The following STXBP5L variants were observed in gnomAD, a reference collection of about 807,000 sequenced individuals.
STXBP5L encodes syntaxin-binding protein 5-like.
Under a neutral mutation model 144.5 loss-of-function variants are expected in STXBP5L, and 65 were observed. That is an observed-to-expected ratio of 0.45 (90% CI 0.37 to 0.55). The LOEUF (loss-of-function observed/expected upper bound fraction) is 0.55, where lower values mean the gene tolerates loss of function less well. Ranked by LOEUF, STXBP5L falls within the 20% of genes least tolerant of loss-of-function variation. The probability of loss-of-function intolerance (pLI) is 0.00; values close to 1 mark genes in which losing one functional copy is unlikely to be tolerated. For missense variants in STXBP5L, 1,298 were observed against 1,405.5 expected (o/e 0.92, Z 1.22); for synonymous variants, 505 against 469.6 (o/e 1.08, Z -0.97).
intron 7 of STXBP5L, among the ~76,000 whole-genome samples, chr3:121,136,166 C>T (rs1239189963): frequency 6.6e-6 from 1 of 152,158 alleles, no homozygotes; most frequent in Non-Finnish European, 1.5e-5. Context: ...CTCATGTCTC[C>T]CTTTTTCCAA....
intron 19 of STXBP5L, among the ~76,000 whole-genome samples, chr3:121,289,040 CTAAA>C (rs1238855968): frequency 6.6e-6 from 1 of 152,006 alleles, no homozygotes; most frequent in Admixed American, 6.6e-5. Context: ...TACTGGGTGA[CTAAA>C]TAATCTGTAC....
chr3:121,004,606 A>G (rs1452176325), intron 3 of STXBP5L, among the ~76,000 whole-genome samples: 1 of 152,012 alleles, frequency 6.6e-6, no homozygotes, highest in Admixed American at 6.6e-5. Flanking sequence ...GAGTGGTGAG[A>G]GAGGGCATCC....
At chr3:121,383,756 C>G (rs1334098231) in intron 22 of STXBP5L, among the ~76,000 whole-genome samples, 1 of 152,040 alleles carries the variant, frequency 6.6e-6, no homozygotes, top group African/African-American at 2.4e-5. Context: ...TCTTTCAGAG[C>G]CTACTTATTG....
At chr3:121,138,961 C>A (rs2045379238) in intron 7 of STXBP5L, among the ~76,000 whole-genome samples, 1 of 151,852 alleles carries the variant, frequency 6.6e-6, no homozygotes, top group Non-Finnish European at 1.5e-5. Context: ...AGTGAAAAGA[C>A]AATCTACAAG....
At chr3:121,169,038 T>C (rs577640333) in intron 9 of STXBP5L, among the ~76,000 whole-genome samples, 139 of 152,202 alleles carry the variant, frequency 9.1e-4, no homozygotes, top group Middle Eastern at 3.4e-3. Context: ...CAATATGCAA[T>C]ATTCTTAAAG....
rs541835384 is a variant in STXBP5L at position 121,423,740 on chromosome 3, C to T, written c.*4643C>T. 2 of 152,234 alleles carry T rather than the reference C, an allele frequency of 1.3e-5. No individual in the cohort carries two copies. The highest frequency in any genetic ancestry group is 2.9e-5 in the Non-Finnish European group (2 of 68,046). 9.4% of individuals were successfully genotyped at this position (152,234 alleles called of 1,614,324 possible). A position where few individuals can be genotyped will look rare whatever the true frequency, so the allele number is the denominator to read the frequency against. The stretch of plus-strand genomic sequence containing the variant: ...TTGATTATCACTGCTTTATGGCCAA[C>T]TAAGGAAACCTTGTTTGTCTGCCTT... On this transcript the variant is annotated 3_prime_UTR_variant, in exon 27 of 27. Transcript: ENST00000471454.
Position 121,422,926 on chromosome 3 carries a change from T to C in STXBP5L, c.*3829T>C, listed in dbSNP as rs1164238871. On this transcript the variant is annotated 3_prime_UTR_variant, in exon 27 of 27. Transcript: ENST00000471454. ...ACCATGACTTTGAGAGAAAAAAGAATCAGATTAGGCCTAACATTGGTTGAA... is the reference window on the plus strand; with the variant it reads ...ACCATGACTTTGAGAGAAAAAAGAACCAGATTAGGCCTAACATTGGTTGAA... 1 of 151,954 alleles carries C rather than the reference T, an allele frequency of 6.6e-6. No homozygotes were observed. The highest frequency in any genetic ancestry group is 1.9e-4 in the East Asian group (1 of 5,184). 9.4% of individuals were successfully genotyped at this position (151,954 alleles called of 1,614,324 possible).
intron 3 of STXBP5L, among the ~76,000 whole-genome samples, chr3:121,024,615 A>C (rs1037458322): frequency 3.9e-5 from 6 of 152,172 alleles, no homozygotes; most frequent in African/African-American, 1.4e-4. Flanking sequence ...AGGTAAAATA[A>C]AAATATTACC....
intron 9 of STXBP5L, among the ~76,000 whole-genome samples, chr3:121,165,256 T>G (rs2046459527): frequency 6.6e-6 from 1 of 152,238 alleles, no homozygotes; most frequent in Non-Finnish European, 1.5e-5. Flanking sequence ...ATGAATGTTT[T>G]TTCATCTTTT....
At chr3:121,354,591 G>C (rs934350099) in intron 20 of STXBP5L, among the ~76,000 whole-genome samples, 1 of 119,212 alleles carries the variant, frequency 8.4e-6, no homozygotes, top group Non-Finnish European at 1.6e-5. Context: ...GTGTGTCTTT[G>C]CATGTGAGAT....
At chr3:120,930,814 T>A (rs2107617267) in intron 2 of STXBP5L, among the ~76,000 whole-genome samples, 1 of 152,276 alleles carries the variant, frequency 6.6e-6, no homozygotes, top group South Asian at 2.1e-4. Flanking sequence ...CTGGGATAAC[T>A]ATGTTTTTCT....
chr3:120,973,644 T>G (rs1294996486), intron 3 of STXBP5L, among the ~76,000 whole-genome samples: 2 of 152,104 alleles, frequency 1.3e-5, no homozygotes, highest in African/African-American at 4.8e-5. Flanking sequence ...CTGCACCCAT[T>G]AACTTGTCAT....
intron 5 of STXBP5L, among the ~76,000 whole-genome samples, chr3:121,051,980 G>A (rs1458541944): frequency 1.3e-5 from 2 of 152,186 alleles, no homozygotes; most frequent in Admixed American, 1.3e-4. Flanking sequence ...AGAAAATCTA[G>A]AAGAAATGGA....
chr3:121,134,201 G>A (rs2045133583), intron 7 of STXBP5L, among the ~76,000 whole-genome samples: 1 of 152,108 alleles, frequency 6.6e-6, no homozygotes, highest in Non-Finnish European at 1.5e-5. Context: ...GTCCCGAGGT[G>A]GTGCAGGGCA....
intron 20 of STXBP5L, among the ~76,000 whole-genome samples, chr3:121,331,190 A>T (rs2044310608): frequency 6.6e-6 from 1 of 152,172 alleles, no homozygotes; most frequent in Admixed American, 6.5e-5. Flanking sequence ...CACATGTGGG[A>T]AGTTTCTTTC....
At chr3:121,328,124 T>A (rs758559863) in intron 20 of STXBP5L, among the ~76,000 whole-genome samples, 10 of 152,234 alleles carry the variant, frequency 6.6e-5, no homozygotes, top group African/African-American at 1.9e-4. Flanking sequence ...TGCTGTTTAA[T>A]GCCAGGCACT....
At chr3:121,029,633 T>G (rs1188137248) in intron 3 of STXBP5L, among the ~76,000 whole-genome samples, 1 of 152,134 alleles carries the variant, frequency 6.6e-6, no homozygotes, top group East Asian at 1.9e-4. Flanking sequence ...AAAGTCTTCG[T>G]GACTAGAATA....
chr3:121,206,109 A>G (rs984402687), intron 10 of STXBP5L, 108 bp downstream of exon 10: 4 of 555,336 alleles, frequency 7.2e-6, no homozygotes, highest in Non-Finnish European at 1.2e-5. Flanking sequence ...TGTAAAGACA[A>G]CTGAATCCTC....
intron 3 of STXBP5L, among the ~76,000 whole-genome samples, chr3:120,961,285 T>C (rs181577026): frequency 6.6e-6 from 1 of 151,772 alleles, no homozygotes; most frequent in Admixed American, 6.5e-5. Flanking sequence ...TTTTTTTTTT[T>C]TAATTATACT....
Sources: allele counts gnomAD v4.1 joint callset (sites outside exome capture counted in the v4.1 genomes callset), GRCh38; gene constraint gnomAD v4.1.1; transcripts MANE v1.5; gene names NCBI Gene and HGNC (gene_info 2026-07-23, HGNC 2026-07-21).